Variants in SLC22A23 observed in about 807,000 individuals in gnomAD.
SLC22A23 encodes the protein ion transporter protein.
Under a neutral mutation model 61.0 loss-of-function variants are expected in SLC22A23, and 26 were observed. That is an observed-to-expected ratio of 0.43 (90% CI 0.31 to 0.59). The LOEUF is 0.59. Ranked by LOEUF, SLC22A23 falls within the 20% of genes least tolerant of loss-of-function variation. SLC22A23 has a pLI of 0.11. For synonymous variants in SLC22A23, 430 were observed against 413.9 expected (o/e 1.04, Z -0.47); for missense variants, 796 against 934.7 (o/e 0.85, Z 1.94).
At chr6:3,323,664 CAGAA>C in intron 4 of SLC22A23, 166 bp downstream of exon 4, 1 of 776,548 alleles carries the variant, frequency 1.3e-6, no homozygotes, top group Non-Finnish European at 2.0e-6. Flanking sequence ...TTTTCCAAGA[CAGAA>C]AGTTTAAACA....
intron 4 of SLC22A23, among the ~76,000 whole-genome samples, chr6:3,299,200 C>G (rs527461627): frequency 2.0e-5 from 3 of 152,300 alleles, no homozygotes; most frequent in South Asian, 4.1e-4. Flanking sequence ...CCAGCTGTGT[C>G]AAGAAATCAG....
chr6:3,448,433 A>T (rs1412367710), intron 1 of SLC22A23, among the ~76,000 whole-genome samples: 2 of 152,254 alleles, frequency 1.3e-5, no homozygotes, highest in East Asian at 3.9e-4. Context: ...GCTCCCACAC[A>T]CCACCAGTTT....
At chr6:3,337,628 G>A (rs1322693652) in intron 3 of SLC22A23, among the ~76,000 whole-genome samples, 1 of 152,256 alleles carries the variant, frequency 6.6e-6, no homozygotes, top group African/African-American at 2.4e-5. Context: ...AACAGGGCAA[G>A]GACCCGGGCA....
Position 3,456,253 on chromosome 6 carries a change from T to C in SLC22A23, c.307A>G (p.Thr103Ala). Residue 103 changes from threonine (T) to alanine (A), a missense_variant, in exon 1 of 10, where the codon ACC (threonine) becomes GCC (alanine). Physicochemically the swap from Thr to Ala is moderately conservative, Grantham distance 58. Coordinates refer to ENST00000406686, the MANE Select transcript of SLC22A23 (RefSeq NM_015482.2). The surrounding 1 kb of genome is among the most constrained non-coding windows in gnomAD (Gnocchi z 7.1). ...GGYQKTLVLL[T>A]WIPALFIGFS... ...CCGATGAACAGCGCCGGGATCCAGGTGAGCAGCACGAGGGTCTTCTGATAG... is the reference window on the plus strand; with the variant it reads ...CCGATGAACAGCGCCGGGATCCAGGCGAGCAGCACGAGGGTCTTCTGATAG... 5 of 1,551,066 alleles carry C rather than the reference T, an allele frequency of 3.2e-6. No homozygotes were observed. Among genetic ancestry groups the C allele is most frequent in the Non-Finnish European group, 4.4e-6 (5 of 1,146,750 alleles).
At chr6:3,452,245 T>C (rs1284604217) in intron 1 of SLC22A23, among the ~76,000 whole-genome samples, 1 of 152,176 alleles carries the variant, frequency 6.6e-6, no homozygotes, top group Non-Finnish European at 1.5e-5. Flanking sequence ...CTGGTTCTTG[T>C]ACAGAACACA....
chr6:3,453,250 T>A (rs189609772), intron 1 of SLC22A23, among the ~76,000 whole-genome samples: 1,695 of 152,154 alleles, frequency 0.011, 10 homozygotes, highest in African/African-American at 0.018. Context: ...AATAATTTTT[T>A]AAAAAAAATT....
chr6:3,415,796 A>C lies in SLC22A23; in HGVS notation c.714T>G (p.Val238=). The change falls in exon 2 of 10, where the codon GTT becomes GTG. Residue 238 remains valine, a synonymous_variant. Coordinates refer to ENST00000406686, the MANE Select transcript of SLC22A23 (RefSeq NM_015482.2). The stretch of plus-strand genomic sequence containing the variant: ...TTATTAGGTAGCCAAAGATTAATCC[A>C]ACCAGTAAGGAGAACTTAGCGATAT... The part of the protein sequence containing the change: ...KVHIAKFSLL[V]GLIFGYLITG... 2 of 1,552,070 alleles carry C rather than the reference A, an allele frequency of 1.3e-6. No homozygotes were observed. The highest frequency in any genetic ancestry group is 1.7e-6 in the Non-Finnish European group (2 of 1,147,040).
chr6:3,438,295 G>C (rs1488399177), intron 1 of SLC22A23, among the ~76,000 whole-genome samples: 2 of 152,218 alleles, frequency 1.3e-5, no homozygotes, highest in Admixed American at 1.3e-4. Flanking sequence ...GATACCCAAG[G>C]GGGCCCCGGC....
At chr6:3,439,100 G>A (rs6906732) in intron 1 of SLC22A23, among the ~76,000 whole-genome samples, 74,927 of 151,794 alleles carry the variant, frequency 0.49, 19,080 homozygotes, top group South Asian at 0.73. Flanking sequence ...CAAACTTGCC[G>A]TATTTGGGGC....
chr6:3,362,551 G>A (rs1306327692), intron 3 of SLC22A23, among the ~76,000 whole-genome samples: 2 of 152,018 alleles, frequency 1.3e-5, no homozygotes, highest in Non-Finnish European at 2.9e-5. Flanking sequence ...TCTCTTCATG[G>A]CCCTGGGCTC....
intron 3 of SLC22A23, among the ~76,000 whole-genome samples, chr6:3,404,123 C>T (rs375307438): frequency 2.0e-5 from 3 of 152,234 alleles, no homozygotes; most frequent in Non-Finnish European, 4.4e-5. Context: ...AGAACAGCCT[C>T]CCCTGTGTGG....
At chr6:3,436,255 C>G (rs1220352505) in intron 1 of SLC22A23, among the ~76,000 whole-genome samples, 2 of 152,072 alleles carry the variant, frequency 1.3e-5, no homozygotes, top group African/African-American at 4.8e-5. Context: ...CCTGCCTCAG[C>G]CTCCCGGGTA....
intron 4 of SLC22A23, among the ~76,000 whole-genome samples, chr6:3,299,400 T>G (rs1213579198): frequency 6.6e-6 from 1 of 152,072 alleles, no homozygotes; most frequent in African/African-American, 2.4e-5. Context: ...TGTCCCGGGG[T>G]TTCCTTCAGA....
intron 9 of SLC22A23, chr6:3,283,620 T>G (rs911661023): frequency 5.7e-6 from 3 of 524,512 alleles, no homozygotes; most frequent in Non-Finnish European, 1.0e-5. Context: ...TAGCTCCCTG[T>G]TCCCCCTTCC....
intron 1 of SLC22A23, among the ~76,000 whole-genome samples, chr6:3,441,997 T>G (rs963952243): frequency 2.6e-5 from 4 of 152,146 alleles, no homozygotes; most frequent in Non-Finnish European, 4.4e-5. Context: ...CAGCCGCACA[T>G]GCACCATAGC....
intron 5 of SLC22A23, among the ~76,000 whole-genome samples, chr6:3,292,689 G>A (rs139330017): frequency 1.3e-5 from 2 of 152,350 alleles, no homozygotes; most frequent in African/African-American, 2.4e-5. Context: ...TGAGGGGCCC[G>A]ATGAGCCTGG....
chr6:3,278,575 TAATA>T (rs1178239082), intron 9 of SLC22A23, among the ~76,000 whole-genome samples: 2 of 152,224 alleles, frequency 1.3e-5, no homozygotes. Context: ...TGTTTGTGCT[TAATA>T]AATACCGGAT....
intron 3 of SLC22A23, among the ~76,000 whole-genome samples, chr6:3,368,296 A>G (rs906362380): frequency 2.0e-5 from 3 of 152,164 alleles, no homozygotes; most frequent in Non-Finnish European, 4.4e-5. Context: ...CTTGCACCCC[A>G]TGCTCAACCC....
rs1441795245 is a variant in SLC22A23, at chr6:3,323,381, G to A, written c.1082+453C>T. On this transcript the variant is annotated intron_variant, in intron 4 of 9. Coordinates refer to ENST00000406686, the MANE Select transcript of SLC22A23 (RefSeq NM_015482.2). ...ACTTTATTTACAAAAACAGACAGTG[G>A]GCCTGATGTGGCCCACAGGCTGAAG... 18 of 457,290 alleles carry A rather than the reference G, an allele frequency of 3.9e-5. No homozygotes were observed. In the Admixed American group the frequency reaches 4.2e-4, roughly 11 times the overall value. The allele number at this position is 457,290 out of a possible 1,614,324, so 28.3% of individuals were successfully genotyped here. A position where few individuals can be genotyped will look rare whatever the true frequency, so the allele number is the denominator to read the frequency against.
Sources: allele counts gnomAD v4.1 joint callset (sites outside exome capture counted in the v4.1 genomes callset), GRCh38; gene constraint gnomAD v4.1.1; non-coding constraint Gnocchi (gnomAD v3.1); transcripts MANE v1.5; gene names NCBI Gene and HGNC (gene_info 2026-07-23, HGNC 2026-07-21).